The following CTNNA2 variants were observed in gnomAD, a reference collection of about 807,000 sequenced individuals.
CTNNA2 encodes the protein catenin alpha 2.
A neutral mutation model predicts 101.0 loss-of-function variants in CTNNA2; 42 were observed. The ratio of observed to expected loss-of-function variants is 0.42; its 90% CI spans 0.32 to 0.54. The LOEUF (loss-of-function observed/expected upper bound fraction) is 0.54. Ranked by LOEUF, CTNNA2 falls within the 20% of genes least tolerant of loss-of-function variation. The pLI, the probability that CTNNA2 is intolerant of heterozygous loss-of-function variation, is 0.14. For missense variants in CTNNA2, 871 were observed against 1,223.1 expected (o/e 0.71, Z 4.29); for synonymous variants, 450 against 456.4 (o/e 0.99, Z 0.18).
intron 7 of CTNNA2, among the ~76,000 whole-genome samples, chr2:79,930,591 A>G (rs780777989): frequency 6.6e-6 from 1 of 152,268 alleles, no homozygotes; most frequent in East Asian, 1.9e-4. Flanking sequence ...GCTACCCACT[A>G]TAGACTTCCT....
At chr2:80,629,529 T>TA (rs1343735040) in intron 18 of CTNNA2, among the ~76,000 whole-genome samples, 8 of 152,032 alleles carry the variant, frequency 5.3e-5, no homozygotes, top group Non-Finnish European at 7.4e-5. Context: ...ATCACACTTT[T>TA]AAAAAAACAC....
intron 18 of CTNNA2, among the ~76,000 whole-genome samples, chr2:80,643,515 A>G (rs924306216): frequency 1.8e-4 from 28 of 152,322 alleles, no homozygotes; most frequent in Middle Eastern, 3.4e-3. Flanking sequence ...GGTTAGATAC[A>G]GGAACTTAAT....
At chr2:79,347,182 C>A (rs548730341) in intron 3 of CTNNA2, among the ~76,000 whole-genome samples, 84 of 152,090 alleles carry the variant, frequency 5.5e-4, no homozygotes, top group African/African-American at 1.9e-3. Flanking sequence ...GGCTCAAATT[C>A]TTTTTGGAAT....
At chr2:79,463,424 G>T (rs1205766333) in intron 4 of CTNNA2, among the ~76,000 whole-genome samples, 1 of 150,418 alleles carries the variant, frequency 6.6e-6, no homozygotes, top group African/African-American at 2.4e-5. Context: ...AGAAAGTCCT[G>T]CTCCTGATGT....
rs550992481 is a variant in CTNNA2 at position 79,468,260 on chromosome 2, A to C, written c.-134-36794A>C. Among the ~76,000 whole-genome samples, 618 of 152,238 alleles carry C rather than the reference A, an allele frequency of 4.1e-3. 2 individuals carry two copies. The highest frequency in any genetic ancestry group is 0.013 in the African/African-American group (554 of 41,556). On this transcript the variant is annotated intron_variant, in intron 4 of 21. Transcript: ENST00000466387. ...TCTGATAAAACAGACTTTAAACCAA[A>C]AAAGATCAAAAGAGACAAAGAAGGC...
intron 7 of CTNNA2, among the ~76,000 whole-genome samples, chr2:80,022,702 G>T (rs560063171): frequency 9.8e-5 from 15 of 152,298 alleles, no homozygotes; most frequent in African/African-American, 3.4e-4. Flanking sequence ...TGACAATGTT[G>T]TCTTTCTCAT....
chr2:80,609,492 C>G (rs960446898), intron 17 of CTNNA2, among the ~76,000 whole-genome samples: 19 of 151,646 alleles, frequency 1.3e-4, no homozygotes, highest in African/African-American at 4.6e-4. Flanking sequence ...CTTTGCATTT[C>G]CAAAATGATC....
chr2:79,385,886 G>C (rs1248208169), intron 4 of CTNNA2, among the ~76,000 whole-genome samples: 1 of 152,166 alleles, frequency 6.6e-6, no homozygotes, highest in Non-Finnish European at 1.5e-5. Context: ...TGGCTACATA[G>C]TATTTCATGG....
intron 7 of CTNNA2, among the ~76,000 whole-genome samples, chr2:80,350,581 C>T (rs924277866): frequency 2.0e-5 from 3 of 152,144 alleles, no homozygotes; most frequent in African/African-American, 4.8e-5. Context: ...CTTGAATGAA[C>T]CTCTCCAAGT....
At chr2:80,081,934 A>T (rs939147287) in intron 7 of CTNNA2, among the ~76,000 whole-genome samples, 1 of 152,180 alleles carries the variant, frequency 6.6e-6, no homozygotes, top group Non-Finnish European at 1.5e-5. Context: ...ACACTAAAGG[A>T]TTGCAGCTAG....
intron 2 of CTNNA2, among the ~76,000 whole-genome samples, chr2:79,701,060 G>A (rs1489065592): frequency 6.6e-6 from 1 of 152,066 alleles, no homozygotes; most frequent in Non-Finnish European, 1.5e-5. Flanking sequence ...CCCACTTTTA[G>A]TTTTTAGAAT....
chr2:79,753,216 A>G (rs1198700265), intron 3 of CTNNA2, among the ~76,000 whole-genome samples: 1 of 152,184 alleles, frequency 6.6e-6, no homozygotes. Context: ...GCCAATTTTT[A>G]TGAGGCATAA....
intron 4 of CTNNA2, among the ~76,000 whole-genome samples, chr2:79,401,159 C>A (rs1001515169): frequency 1.3e-5 from 2 of 151,680 alleles, no homozygotes; most frequent in Admixed American, 6.6e-5. Flanking sequence ...AATGAATACT[C>A]CGGGGATAGA....
rs1683673260 is a variant in CTNNA2 at position 79,884,324 on chromosome 2, G to T, written c.852+9982G>T. Among the ~76,000 whole-genome samples, 3 of 152,074 alleles carry T rather than the reference G, an allele frequency of 2.0e-5. No individual in the cohort carries two copies. In the South Asian group the frequency reaches 6.2e-4, roughly 32 times the overall value. On this transcript the variant is annotated intron_variant, in intron 6 of 18. Coordinates refer to ENST00000402739, the MANE Select transcript of CTNNA2 (RefSeq NM_001282597.3). Reference sequence around the variant, plus strand: ...TAAAAAGAAAATAAAGCATTGGGCTGCTAAAATTACCATATTGCCATATTT... The same window carrying T: ...TAAAAAGAAAATAAAGCATTGGGCTTCTAAAATTACCATATTGCCATATTT...
intron 7 of CTNNA2, among the ~76,000 whole-genome samples, chr2:80,194,246 C>A (rs1706696017): frequency 6.6e-6 from 1 of 152,142 alleles, no homozygotes; most frequent in Non-Finnish European, 1.5e-5. Context: ...TTAAAGGTGG[C>A]ATACATCAGG....
intron 3 of CTNNA2, among the ~76,000 whole-genome samples, chr2:79,816,961 A>G (rs1677556267): frequency 6.6e-6 from 1 of 152,144 alleles, no homozygotes; most frequent in African/African-American, 2.4e-5. Context: ...CATTTCAGTC[A>G]TTAAATAAAC....
rs1288442054 is a variant in CTNNA2 at position 79,343,896 on chromosome 2, T to C, written c.-317-29935T>C. 2.6e-5 allele frequency among the ~76,000 whole-genome samples: 4 copies of C among 152,164 alleles called. No homozygotes were observed. The East Asian group carries it at 7.7e-4, about 29-fold the overall frequency. ...TTACCCAGAATTGGACTTTGTGTCTTATAACTACAGAGACATAAGATAATA... is the reference window on the plus strand; with the variant it reads ...TTACCCAGAATTGGACTTTGTGTCTCATAACTACAGAGACATAAGATAATA... On this transcript the variant is annotated intron_variant, in intron 3 of 21. Coordinates refer to the CTNNA2 transcript ENST00000466387.
intron 3 of CTNNA2, among the ~76,000 whole-genome samples, chr2:79,750,973 T>C (rs1216910920): frequency 6.6e-6 from 1 of 152,170 alleles, no homozygotes; most frequent in Non-Finnish European, 1.5e-5. Flanking sequence ...AATGATGTGT[T>C]ACCCAGCCTG....
At chr2:79,563,738 C>G (rs2104151538) in intron 1 of CTNNA2, among the ~76,000 whole-genome samples, 1 of 152,230 alleles carries the variant, frequency 6.6e-6, no homozygotes, top group Middle Eastern at 3.4e-3. Context: ...TTTAAGCTAA[C>G]TCATAATTAT....
Sources: gnomAD v4.1 joint callset for allele counts (sites outside exome capture counted in the v4.1 genomes callset) on GRCh38, gnomAD v4.1.1 for gene constraint, MANE v1.5 for transcripts, NCBI Gene and HGNC (gene_info 2026-07-23, HGNC 2026-07-21) for gene names.